Variants in PCNX1 observed in about 807,000 individuals in gnomAD.
The protein encoded by PCNX1 is pecanex-like protein 1.
Under a neutral mutation model 242.2 loss-of-function variants are expected in PCNX1, and 78 were observed. That is an observed-to-expected ratio of 0.32 (90% CI 0.27 to 0.39). The LOEUF (loss-of-function observed/expected upper bound fraction) is 0.39. Among genes scored for constraint, PCNX1 ranks in the 10% least tolerant of loss-of-function variants. The pLI, the probability that PCNX1 is intolerant of heterozygous loss-of-function variation, is 1.00. For synonymous variants in PCNX1, 1,024 were observed against 1,032.9 expected (o/e 0.99, Z 0.17); for missense variants, 2,581 against 2,856.5 (o/e 0.90, Z 2.20).
chr14:70,997,648 G>C (rs2059390846), intron 8 of PCNX1, among the ~76,000 whole-genome samples: 1 of 152,040 alleles, frequency 6.6e-6, no homozygotes, highest in South Asian at 2.1e-4. Flanking sequence ...CTTAAACTAG[G>C]TCTCGCTCTA....
rs767500975 is a variant in PCNX1 at position 71,109,448 on chromosome 14, G to A, written c.6745-4G>A. On this transcript the variant is annotated splice_polypyrimidine_tract_variant and splice_region_variant and intron_variant, in intron 34 of 35. Transcript: ENST00000304743. ...AATTGGAAATGTTTTTATTTACCAT[G>A]TAGATTGTGGATCCCAGTCAAATTC... The A allele has an allele frequency of 1.1e-5, 18 of 1,608,338 alleles. 1 individual carries two copies. In the South Asian group the frequency reaches 1.5e-4, roughly 14 times the overall value.
chr14:71,053,218 C>T, intron 24 of PCNX1: 1 of 449,964 alleles, frequency 2.2e-6, no homozygotes, highest in Non-Finnish European at 4.4e-6. Flanking sequence ...TCAGTGGCTG[C>T]AGTTCTTAAC....
At chr14:70,945,085 G>A (rs2057404694) in intron 1 of PCNX1, among the ~76,000 whole-genome samples, 1 of 152,122 alleles carries the variant, frequency 6.6e-6, no homozygotes, top group Non-Finnish European at 1.5e-5. Flanking sequence ...TTGAGAGTTG[G>A]GACTTCAGTC....
chr14:71,006,092 CGTGTGTGTGTCTGTGTGTGTGTGTGT>C (rs2059652432), intron 8 of PCNX1, among the ~76,000 whole-genome samples: 3 of 129,222 alleles, frequency 2.3e-5, no homozygotes, highest in Admixed American at 7.9e-5. Context: ...CCAGCTAGTA[CGTGTGTGTGTCTGTGTGTGTGTGTGT>C]GTGTGTGTGT....
At chr14:70,933,434 A>C (rs1284522601) in intron 1 of PCNX1, among the ~76,000 whole-genome samples, 1 of 152,244 alleles carries the variant, frequency 6.6e-6, no homozygotes, top group Non-Finnish European at 1.5e-5. Flanking sequence ...ATGCTTGAAA[A>C]GAAATTCAAA....
chr14:71,076,641 C>CT (rs763399108), intron 28 of PCNX1, among the ~76,000 whole-genome samples: 2 of 152,310 alleles, frequency 1.3e-5, no homozygotes, highest in South Asian at 4.1e-4. Flanking sequence ...GTGTCCCAGT[C>CT]TCACTGTCCA....
chr14:71,084,340 TGAG>T (rs2061930847), intron 28 of PCNX1, among the ~76,000 whole-genome samples: 1 of 152,188 alleles, frequency 6.6e-6, no homozygotes, highest in Non-Finnish European at 1.5e-5. Flanking sequence ...GGGACCCACT[TGAG>T]GAGGCAGTCT....
In PCNX1 at chr14:70,995,905, G is replaced by A. The variant is rs760125453; in HGVS notation, c.2609G>A (p.Ser870Asn). The change falls in exon 8 of 36, where the codon AGC becomes AAC. Residue 870 changes from serine (S) to asparagine (N), a missense_variant. By Grantham distance (46) the Ser-to-Asn change is conservative. This residue lies in a region of PCNX1 where 1,204 missense variants were observed against 1,216.7 expected (regional missense o/e 0.99). Coordinates refer to ENST00000304743, the MANE Select transcript of PCNX1 (RefSeq NM_014982.3). ...GACAATGCATCTGCTGTAGGCGGTA[G>A]CAGTTTGCACGATGAACTTGGTATG... ...SHDNASAVGG[S>N]SLHDELGKFS... The A allele has an allele frequency of 6.2e-7, 1 of 1,614,006 alleles. No homozygotes were observed. The highest frequency in any genetic ancestry group is 1.1e-5 in the South Asian group (1 of 91,074).
intron 26 of PCNX1, among the ~76,000 whole-genome samples, chr14:71,067,916 A>AT (rs2061488848): frequency 6.6e-6 from 1 of 152,038 alleles, no homozygotes; most frequent in African/African-American, 2.4e-5. Context: ...CAGTTTCACA[A>AT]TTAAAAAAAA....
At chr14:70,944,989 A>G (rs952021070) in intron 1 of PCNX1, among the ~76,000 whole-genome samples, 2 of 152,086 alleles carry the variant, frequency 1.3e-5, no homozygotes. Context: ...TAAATTACCC[A>G]GTCTTGGGTA....
chr14:70,996,057 A>T, intron 8 of PCNX1, 132 bp downstream of exon 8: 1 of 639,032 alleles, frequency 1.6e-6, no homozygotes, highest in Non-Finnish European at 2.7e-6. Flanking sequence ...CATAGGATTT[A>T]CCCTATGTGT....
intron 8 of PCNX1, among the ~76,000 whole-genome samples, chr14:71,007,349 G>T (rs1362117863): frequency 1.3e-5 from 2 of 151,944 alleles, no homozygotes; most frequent in Non-Finnish European, 2.9e-5. Flanking sequence ...AATATCTTTA[G>T]TTGATTTTGT....
chr14:70,919,353 ATTC>A (rs1487668884), intron 1 of PCNX1, among the ~76,000 whole-genome samples: 18 of 152,194 alleles, frequency 1.2e-4, no homozygotes, highest in Admixed American at 7.2e-4. Flanking sequence ...GATTTTTCCT[ATTC>A]TTTGTAATTA....
At chr14:70,942,317 G>GT (rs1056100685) in intron 1 of PCNX1, among the ~76,000 whole-genome samples, 25 of 152,000 alleles carry the variant, frequency 1.6e-4, no homozygotes, top group South Asian at 2.1e-4. Flanking sequence ...AATTAAAAAG[G>GT]TTTTTTTTAA....
At position 71,101,172 on chromosome 14, in the gene PCNX1, G is replaced by A. The variant is rs1360890160; in HGVS notation, c.5590-818G>A. 2.6e-5 allele frequency among the ~76,000 whole-genome samples: 4 copies of A among 151,968 alleles called. No homozygotes were observed. The East Asian group carries it at 5.8e-4, about 22-fold the overall frequency. The stretch of plus-strand genomic sequence containing the variant: ...TGAGTGCAAATGGATTACTTTACTG[G>A]GATACAGAAATTTGTCAGCCTCCCA... On this transcript the variant is annotated intron_variant, in intron 30 of 35. Transcript: ENST00000304743.
intron 1 of PCNX1, among the ~76,000 whole-genome samples, chr14:70,920,947 C>A (rs1231575471): frequency 6.6e-6 from 1 of 152,170 alleles, no homozygotes; most frequent in African/African-American, 2.4e-5. Context: ...TTTCCATAAT[C>A]TTCCCACTGG....
At position 71,026,705 on chromosome 14, in the gene PCNX1, CCT is replaced by C. The variant is rs2060252352; in HGVS notation, c.3356-63_3356-62del. ...AATTTGGGATTTTTAAAAATTATGACCTCTCAGTGGACACAAGAATGGATACA... is the reference window on the plus strand; with the variant it reads ...AATTTGGGATTTTTAAAAATTATGACCTCAGTGGACACAAGAATGGATACA... On this transcript the variant is annotated intron_variant, in intron 14 of 35. Transcript: ENST00000304743. The C allele has an allele frequency of 3.4e-5, 22 of 639,904 alleles. No individual in the cohort carries two copies. The South Asian group carries it at 5.5e-4, about 16-fold the overall frequency. The allele number at this position is 639,904 out of a possible 1,614,324, so 39.6% of individuals were successfully genotyped here. A position where few individuals can be genotyped will look rare whatever the true frequency, so the allele number is the denominator to read the frequency against.
rs1402774063 is a variant in PCNX1, at chr14:71,110,221, T to G, written c.*286T>G. On this transcript the variant is annotated 3_prime_UTR_variant, in exon 36 of 36. Coordinates refer to ENST00000304743, the MANE Select transcript of PCNX1 (RefSeq NM_014982.3). ...AAAATACATCCTTAAAAAAAGTTTTTCCTATGCATTGCCTATGCTTTAAAT... is the reference window on the plus strand; with the variant it reads ...AAAATACATCCTTAAAAAAAGTTTTGCCTATGCATTGCCTATGCTTTAAAT... The G allele has an allele frequency of 2.4e-6, 1 of 415,672 alleles. No individual in the cohort carries two copies. Among genetic ancestry groups the G allele is most frequent in the East Asian group, 5.2e-5 (1 of 19,390 alleles). The allele number at this position is 415,672 out of a possible 1,614,324, so 25.7% of individuals were successfully genotyped here.
intron 8 of PCNX1, among the ~76,000 whole-genome samples, chr14:71,004,349 C>CT (rs2059593571): frequency 1.3e-5 from 2 of 152,262 alleles, no homozygotes; most frequent in Non-Finnish European, 2.9e-5. Flanking sequence ...AGGAACAGGG[C>CT]TGCACAGCAG....
Sources: allele counts gnomAD v4.1 joint callset (sites outside exome capture counted in the v4.1 genomes callset), GRCh38; gene constraint gnomAD v4.1.1; regional missense constraint gnomAD v4.1.1; transcripts MANE v1.5; gene names NCBI Gene and HGNC (gene_info 2026-07-23, HGNC 2026-07-21).